TLE2: variants seen among roughly 807,000 people sequenced by gnomAD.
TLE2 encodes transducin-like enhancer protein 2.
In TLE2, 74 loss-of-function variants were observed where a neutral mutation model predicts 97.2. That is an observed-to-expected ratio of 0.76 (90% CI 0.63 to 0.92). The LOEUF (loss-of-function observed/expected upper bound fraction) is 0.92, where lower values mean the gene tolerates loss of function less well. TLE2 is among the 40% of genes least tolerant of loss of function. TLE2 has a pLI of 0.00. For synonymous variants in TLE2, 499 were observed against 432.1 expected, an observed-to-expected ratio of 1.15 and a Z score of -1.92; for missense variants, 1,038 against 1,008.7, an observed-to-expected ratio of 1.03 and a Z score of -0.39.
intron 17 of TLE2, among the ~76,000 whole-genome samples, chr19:3,004,378 G>T (rs905676248): frequency 2.0e-5 from 3 of 151,912 alleles, no homozygotes; most frequent in Non-Finnish European, 4.4e-5. Context: ...GGTGGCTCAG[G>T]CCTGTAATTC....
rs765769762 is a variant in TLE2, at chr19:3,019,741, G to A, written c.327C>T (p.Arg109=). Residue 109 remains arginine (R), a synonymous_variant, in exon 6 of 20, where the codon CGC becomes CGT. Transcript: ENST00000262953. The surrounding 1 kb of genome is among the most constrained non-coding windows in gnomAD (Gnocchi z 5.1). ...GCTCCCCCACGGTGACCTGCTTGGC[G>A]CGTTCTACGGCCTGGAGCACCTGCT... The part of the protein sequence containing the change: ...HQQQVLQAVE[R]AKQVTVGELN... The A allele has an allele frequency of 2.9e-5, 47 of 1,613,046 alleles. No homozygotes were observed. The highest frequency in any genetic ancestry group is 1.6e-4 in the Middle Eastern group (1 of 6,084).
At chr19:3,009,336 G>A (rs114136854) in intron 13 of TLE2, among the ~76,000 whole-genome samples, 4,332 of 152,306 alleles carry the variant, frequency 0.028, 88 homozygotes, top group Non-Finnish European at 0.036. Flanking sequence ...TCGCTGTTGC[G>A]TTTTTCCACA....
chr19:3,004,509 C>CG (rs1048173484), intron 17 of TLE2, among the ~76,000 whole-genome samples: 37 of 150,710 alleles, frequency 2.5e-4, no homozygotes, highest in African/African-American at 8.8e-4. Flanking sequence ...CATGGTGGTG[C>CG]GTTCCTGTAG....
chr19:3,012,153 T>C (rs1008281194), intron 11 of TLE2, among the ~76,000 whole-genome samples: 1 of 152,116 alleles, frequency 6.6e-6, no homozygotes, highest in Non-Finnish European at 1.5e-5. Context: ...CCCGGGAGGC[T>C]GAGGCAGGAG....
At chr19:3,008,741 GTGCCC>G (rs1261850298) in intron 14 of TLE2, 123 bp downstream of exon 14, 8 of 658,712 alleles carry the variant, frequency 1.2e-5, no homozygotes, top group Non-Finnish European at 1.2e-5. Flanking sequence ...GTGAACCACT[GTGCCC>G]GGCCCACACA....
intron 11 of TLE2, 52 bp from the exon 12 acceptor site, chr19:3,011,212 C>T: frequency 1.3e-6 from 2 of 1,514,564 alleles, no homozygotes; most frequent in Admixed American, 2.2e-5. Context: ...TGTCTTGTGG[C>T]CCAACGATCT....
chr19:3,044,397 C>T (rs921926247), intron 1 of TLE2, among the ~76,000 whole-genome samples: 4 of 152,124 alleles, frequency 2.6e-5, no homozygotes, highest in African/African-American at 7.2e-5. Context: ...GGCTGGCCCA[C>T]ATCCACCCAT....
chr19:3,017,712 A>G (rs1453300179), intron 8 of TLE2, 128 bp downstream of exon 8: 5 of 801,556 alleles, frequency 6.2e-6, no homozygotes, highest in East Asian at 2.9e-5. Flanking sequence ...TCTGCCTACC[A>G]AAGTGCTGGG....
chr19:3,000,807 C>A, intron 18 of TLE2, 84 bp from the exon 19 acceptor site: 8 of 932,694 alleles, frequency 8.6e-6, no homozygotes, highest in South Asian at 1.4e-5. Flanking sequence ...GAAGCTGGGT[C>A]TGGGTCTGGC....
chr19:3,024,167 A>ATT (rs113734238), intron 5 of TLE2, among the ~76,000 whole-genome samples: 4 of 146,556 alleles, frequency 2.7e-5, no homozygotes, highest in African/African-American at 7.5e-5. Flanking sequence ...TGCCCGGCTA[A>ATT]TTTTTTTTTT....
In TLE2 at chr19:3,008,915, C is replaced by T; in HGVS notation, c.1204G>A (p.Gly402Arg). The change falls in exon 14 of 20, where the codon GGG becomes AGG. Residue 402 changes from glycine to arginine, a missense_variant. By Grantham distance (125) the Gly-to-Arg change is moderately radical. Coordinates refer to ENST00000262953, the MANE Select transcript of TLE2 (RefSeq NM_003260.5). Reference sequence around the variant, plus strand: ...GGTAGGGAGGAAGAGACGGATGACCCTCGGAGATGGGGATGAGACTCAAAT... The same window carrying T: ...GGTAGGGAGGAAGAGACGGATGACCTTCGGAGATGGGGATGAGACTCAAAT... ...MAFESHPHLR[G>R]SSVSSSLPSI... 6.3e-7 allele frequency: 1 copy of T among 1,595,124 alleles called. No homozygotes were observed. Among genetic ancestry groups the T allele is most frequent in the African/African-American group, 1.3e-5 (1 of 74,474 alleles).
At position 3,019,200 on chromosome 19, in the gene TLE2, G is replaced by A. The variant is rs933056579; in HGVS notation, c.550+83C>T. On this transcript the variant is annotated intron_variant, in intron 7 of 19. Coordinates refer to ENST00000262953, the MANE Select transcript of TLE2 (RefSeq NM_003260.5). The surrounding 1 kb of genome is among the most constrained non-coding windows in gnomAD (Gnocchi z 5.1). ...GGCATGAGCCACTTCATCCCCTCAC[G>A]CTGATGTTTGCTACCCTGGACTGCC... The A allele has an allele frequency of 7.2e-5, 109 of 1,505,902 alleles. No homozygotes were observed. The highest frequency in any genetic ancestry group is 1.5e-4 in the East Asian group (6 of 40,492). The allele number at this position is 1,505,902 out of a possible 1,614,324, so 93.3% of individuals were successfully genotyped here. A position where few individuals can be genotyped will look rare whatever the true frequency, so the allele number is the denominator to read the frequency against.
chr19:3,013,967 G>A (rs2089649802), intron 10 of TLE2, 149 bp from the exon 11 acceptor site: 1 of 791,182 alleles, frequency 1.3e-6, no homozygotes, highest in Non-Finnish European at 1.8e-6. Flanking sequence ...TGCTGCCTCA[G>A]TTTACTCATC....
chr19:3,009,817 T>G, intron 12 of TLE2, 115 bp from the exon 13 acceptor site: 1 of 1,339,190 alleles, frequency 7.5e-7, no homozygotes, highest in South Asian at 1.4e-5. Flanking sequence ...GGTTCCACAT[T>G]GGCCATAGCC....
chr19:3,017,500 G>C (rs190940099), intron 8 of TLE2, among the ~76,000 whole-genome samples: 1 of 143,534 alleles, frequency 7.0e-6, no homozygotes, highest in East Asian at 2.1e-4. Context: ...ACCCAGGTTG[G>C]AGTGCAGTGG....
chr19:3,000,536 T>TA lies in TLE2; in HGVS notation c.2124+110dup, dbSNP rs2089333056. On this transcript the variant is annotated intron_variant, in intron 19 of 19. Coordinates refer to ENST00000262953, the MANE Select transcript of TLE2 (RefSeq NM_003260.5). ...GGCTTGCAGGACCCTGAGGAGGGGT[T>TA]AGGGTGGCGGGGGGACCTGGGGGAC... 3 of 952,520 alleles carry TA rather than the reference T, an allele frequency of 3.1e-6. No homozygotes were observed. The East Asian group carries it at 8.0e-5, about 25-fold the overall frequency. The allele number at this position is 952,520 out of a possible 1,614,324, so 59.0% of individuals were successfully genotyped here. A position where few individuals can be genotyped will look rare whatever the true frequency, so the allele number is the denominator to read the frequency against.
In TLE2 at chr19:3,019,956, G is replaced by A; in HGVS notation, c.295-183C>T. 1 of 833,194 alleles carries A rather than the reference G, an allele frequency of 1.2e-6. No individual in the cohort carries two copies. Among genetic ancestry groups the A allele is most frequent in the Non-Finnish European group, 1.8e-6 (1 of 546,670 alleles). The allele number at this position is 833,194 out of a possible 1,614,324, so 51.6% of individuals were successfully genotyped here. A position where few individuals can be genotyped will look rare whatever the true frequency, so the allele number is the denominator to read the frequency against. On this transcript the variant is annotated intron_variant, in intron 5 of 19. Transcript: ENST00000262953. This position sits in a 1 kb window ranked among gnomAD's most constrained non-coding sequence, Gnocchi z 5.1. ...TTTGGAATTTTGAAATAAGCACACG[G>A]AGAAAGAAACCAAACCTAAGTGCAG...
intron 12 of TLE2, 88 bp from the exon 13 acceptor site, chr19:3,009,790 T>C (rs216284): frequency 0.77 from 1,154,118 of 1,495,120 alleles, 447,171 homozygotes; most frequent in East Asian, 0.95. Context: ...GCCTTTCATT[T>C]AGAGTTTCCA....
chr19:3,034,921 G>A (rs1002396640), intron 1 of TLE2, among the ~76,000 whole-genome samples: 1 of 152,170 alleles, frequency 6.6e-6, no homozygotes, highest in Non-Finnish European at 1.5e-5. Flanking sequence ...GCGAGCTAAG[G>A]ATGAAGGCAG....
Sources: allele counts gnomAD v4.1 joint callset (sites outside exome capture counted in the v4.1 genomes callset), GRCh38; gene constraint gnomAD v4.1.1; non-coding constraint Gnocchi (gnomAD v3.1); transcripts MANE v1.5; gene names NCBI Gene and HGNC (gene_info 2026-07-23, HGNC 2026-07-21).